The following MEF2C variants were observed in gnomAD, a reference collection of about 807,000 sequenced individuals.
The protein encoded by MEF2C is myocyte-specific enhancer factor 2C.
Under a neutral mutation model 50.5 loss-of-function variants are expected in MEF2C, and 6 were observed. The observed-to-expected ratio is 0.12, with a 90% confidence interval of 0.07 to 0.23. The LOEUF (loss-of-function observed/expected upper bound fraction) is 0.23. MEF2C is among the 10% of genes least tolerant of loss of function. The pLI, the probability that MEF2C is intolerant of heterozygous loss-of-function variation, is 1.00. For synonymous variants in MEF2C, 183 were observed against 228.0 expected (o/e 0.80, Z 1.78); for missense variants, 276 against 605.0 (o/e 0.46, Z 5.70).
rs936113517 is a variant in MEF2C at position 88,790,863 on chromosome 5, G to A, written c.258+13735C>T. Among the ~76,000 whole-genome samples the A allele has an allele frequency of 1.7e-4, 26 of 152,248 alleles. No individual in the cohort carries two copies. The East Asian group carries it at 5.0e-3, about 29-fold the overall frequency. The stretch of plus-strand genomic sequence containing the variant: ...ACAAAGCTTCGTCATGCCCTTCAGG[G>A]AAAGGAGAGGGATTTGTAATTAGAC... On this transcript the variant is annotated intron_variant, in intron 3 of 10. Coordinates refer to ENST00000504921, the MANE Select transcript of MEF2C (RefSeq NM_002397.5).
chr5:88,732,021 T>C (rs889629160), intron 6 of MEF2C, 120 bp from the exon 7 acceptor site: 2 of 885,930 alleles, frequency 2.3e-6, no homozygotes, highest in Non-Finnish European at 3.4e-6. Context: ...TGCAAAACCA[T>C]AGGATGACTG....
intron 6 of MEF2C, chr5:88,741,141 T>C (rs906641467): frequency 1.0e-6 from 1 of 985,322 alleles, no homozygotes; most frequent in East Asian, 1.1e-4. Flanking sequence ...AGGAGCCCCG[T>C]GCTGGACATC....
chr5:88,722,130 GT>G lies in MEF2C; in HGVS notation c.*473del. On this transcript the variant is annotated 3_prime_UTR_variant, in exon 11 of 11. Coordinates refer to ENST00000504921, the MANE Select transcript of MEF2C (RefSeq NM_002397.5). ...TTCTTGGGATGTCAGGTGACCTGGT[GT>G]GTTCCTAACATTTACCAATGGCCAC... 3 of 155,812 alleles carry G rather than the reference GT, an allele frequency of 1.9e-5. No individual in the cohort carries two copies. The highest frequency in any genetic ancestry group is 2.0e-4 in the South Asian group (1 of 5,078). The allele number at this position is 155,812 out of a possible 1,614,324, so 9.7% of individuals were successfully genotyped here. A position where few individuals can be genotyped will look rare whatever the true frequency, so the allele number is the denominator to read the frequency against.
At chr5:88,901,431 A>C (rs371496722) in intron 1 of MEF2C, among the ~76,000 whole-genome samples, 5,946 of 144,864 alleles carry the variant, frequency 0.041, 183 homozygotes, top group Non-Finnish European at 0.059. Flanking sequence ...AAATAGGCTG[A>C]TATTTAAAAT....
chr5:88,877,683 G>A (rs930269883), intron 1 of MEF2C, among the ~76,000 whole-genome samples: 1 of 151,944 alleles, frequency 6.6e-6, no homozygotes, highest in African/African-American at 2.4e-5. Context: ...AATATTGTCT[G>A]TAAAATAACA....
At chr5:88,784,300 G>T (rs151283506) in intron 3 of MEF2C, among the ~76,000 whole-genome samples, 3 of 152,218 alleles carry the variant, frequency 2.0e-5, no homozygotes, top group African/African-American at 7.2e-5. Flanking sequence ...ATACATAAAG[G>T]ATGGATGCAA....
At chr5:88,831,620 C>T (rs1258975597) in intron 1 of MEF2C, among the ~76,000 whole-genome samples, 3 of 151,946 alleles carry the variant, frequency 2.0e-5, no homozygotes, top group Non-Finnish European at 4.4e-5. Context: ...ATTTTTATCT[C>T]TAAACCTTCA....
chr5:88,886,917 A>AT (rs1354762354), upstream of MEF2C, among the ~76,000 whole-genome samples: 1 of 152,196 alleles, frequency 6.6e-6, no homozygotes, highest in Non-Finnish European at 1.5e-5. Context: ...ACTTCCCTAC[A>AT]TTAAAGCAGC....
chr5:88,758,875 C>T (rs146668697), intron 4 of MEF2C, among the ~76,000 whole-genome samples: 1 of 152,146 alleles, frequency 6.6e-6, no homozygotes, highest in African/African-American at 2.4e-5. Flanking sequence ...GAACTCTTTA[C>T]GTAACAGGCT....
rs377439793 is a variant in MEF2C, at chr5:88,823,795, C to T, written c.-7G>A. 4 of 1,608,354 alleles carry T rather than the reference C, an allele frequency of 2.5e-6. No individual in the cohort carries two copies. Among genetic ancestry groups the T allele is most frequent in the Non-Finnish European group, 1.7e-6 (2 of 1,176,648 alleles). ...GAATCTTTTTTCTCCCCATAGTCCCCGTTTTTCTTCTCTCTCTCGTCCCTG... is the reference window on the plus strand; with the variant it reads ...GAATCTTTTTTCTCCCCATAGTCCCTGTTTTTCTTCTCTCTCTCGTCCCTG... On this transcript the variant is annotated 5_prime_UTR_variant, in exon 2 of 11. Transcript: ENST00000504921.
intron 6 of MEF2C, chr5:88,737,072 G>T (rs2152359242): frequency 2.0e-6 from 2 of 984,662 alleles, no homozygotes; most frequent in East Asian, 1.1e-4. Flanking sequence ...TAGATATATA[G>T]AATATGCTAG....
intron 3 of MEF2C, chr5:88,782,278 C>A (rs1788468232): frequency 2.0e-6 from 1 of 490,802 alleles, no homozygotes; most frequent in Non-Finnish European, 2.6e-6. Flanking sequence ...ACAGCCTGGG[C>A]AACATGGCAA....
chr5:88,783,071 T>C (rs931169490), intron 3 of MEF2C, among the ~76,000 whole-genome samples: 12 of 152,198 alleles, frequency 7.9e-5, no homozygotes, highest in Admixed American at 2.6e-4. Context: ...TCCATCTTTC[T>C]GAATTTGACT....
intron 1 of MEF2C, among the ~76,000 whole-genome samples, chr5:88,835,914 G>GTGAAACAGA (rs1814917984): frequency 6.6e-6 from 1 of 151,696 alleles, no homozygotes; most frequent in African/African-American, 2.4e-5. Flanking sequence ...AAACAGAAAT[G>GTGAAACAGA]CCTAATGACA....
At chr5:88,826,680 A>AC (rs1224461782) in intron 1 of MEF2C, among the ~76,000 whole-genome samples, 20 of 152,152 alleles carry the variant, frequency 1.3e-4, no homozygotes, top group African/African-American at 4.8e-4. Flanking sequence ...AGGCGAAGAA[A>AC]GAGATTATTT....
intron 1 of MEF2C, among the ~76,000 whole-genome samples, chr5:88,838,279 T>G (rs1385465195): frequency 6.6e-6 from 1 of 152,166 alleles, no homozygotes; most frequent in African/African-American, 2.4e-5. Context: ...ATGGCAAAAA[T>G]GAGTTTACTT....
At chr5:88,791,213 T>G (rs1224279079) in intron 3 of MEF2C, among the ~76,000 whole-genome samples, 1 of 152,202 alleles carries the variant, frequency 6.6e-6, no homozygotes, top group East Asian at 1.9e-4. Context: ...TTTGTAAATA[T>G]CATTAAAAAT....
At position 88,883,132 on chromosome 5, in the gene MEF2C, T is replaced by A. The variant is rs1384593932; in HGVS notation, c.-320A>T. 3.3e-5 allele frequency: 5 copies of A among 151,514 alleles called. No individual in the cohort carries two copies. Among genetic ancestry groups the A allele is most frequent in the Admixed American group, 2.6e-4 (4 of 15,184 alleles). The allele number at this position is 151,514 out of a possible 1,614,324, so 9.4% of individuals were successfully genotyped here. On this transcript the variant is annotated 5_prime_UTR_variant, in exon 1 of 11. Transcript: ENST00000504921. ...CACAGAACCTTCAAAGTCAATCCAA[T>A]AGCAGCCCGAAGATGTCTGGGTGTA...
chr5:88,848,995 A>C (rs1820306909), intron 1 of MEF2C, among the ~76,000 whole-genome samples: 1 of 152,018 alleles, frequency 6.6e-6, no homozygotes, highest in South Asian at 2.1e-4. Context: ...TACTAAAAAT[A>C]CAAAAATTCG....
Sources: allele counts gnomAD v4.1 joint callset (sites outside exome capture counted in the v4.1 genomes callset), GRCh38; gene constraint gnomAD v4.1.1; transcripts MANE v1.5; gene names NCBI Gene and HGNC (gene_info 2026-07-23, HGNC 2026-07-21).